Variants in CEP350 observed in about 807,000 individuals in gnomAD.
CEP350 encodes centrosome-associated protein 350.
In CEP350, 126 loss-of-function variants were observed where a neutral mutation model predicts 331.8. The ratio of observed to expected loss-of-function variants is 0.38; its 90% confidence interval spans 0.33 to 0.44. CEP350 has a LOEUF of 0.44. CEP350 is among the 20% of genes least tolerant of loss of function. The pLI is 1.00. For missense variants in CEP350, 3,406 were observed against 3,634.6 expected (o/e 0.94, Z 1.62); for synonymous variants, 1,200 against 1,259.5 (o/e 0.95, Z 1.00).
chr1:179,992,233 G>GA lies in CEP350; in HGVS notation c.395+22dup, dbSNP rs148001345. 7.2e-3 allele frequency: 8,951 copies of GA among 1,249,848 alleles called. 1 individual carries two copies. Among genetic ancestry groups the GA allele is most frequent in the South Asian group, 0.013 (690 of 53,510 alleles). The allele number at this position is 1,249,848 out of a possible 1,614,324, so 77.4% of individuals were successfully genotyped here. A position where few individuals can be genotyped will look rare whatever the true frequency, so the allele number is the denominator to read the frequency against. ...TTGGTTTCTTATAGGTTAGTATTGAGAAAAAAAAAAGGTATCAAATAGGTT... is the reference window on the plus strand; with the variant it reads ...TTGGTTTCTTATAGGTTAGTATTGAGAAAAAAAAAAAGGTATCAAATAGGTT... On this transcript the variant is annotated intron_variant, in intron 5 of 37. Coordinates refer to ENST00000367607, the MANE Select transcript of CEP350 (RefSeq NM_014810.5).
At chr1:180,004,692 T>C (rs1350655471) in intron 7 of CEP350, among the ~76,000 whole-genome samples, 1 of 152,228 alleles carries the variant, frequency 6.6e-6, no homozygotes, top group Non-Finnish European at 1.5e-5. Flanking sequence ...TAATACTAAT[T>C]TGTTATGATC....
chr1:180,089,970 A>T (rs142979365), intron 32 of CEP350, among the ~76,000 whole-genome samples: 1 of 152,342 alleles, frequency 6.6e-6, no homozygotes, highest in East Asian at 1.9e-4. Context: ...ATTACAGTTT[A>T]GCAAATGAAG....
At chr1:179,984,949 C>T (rs1321352407) in intron 1 of CEP350, among the ~76,000 whole-genome samples, 3 of 152,088 alleles carry the variant, frequency 2.0e-5, no homozygotes, top group Non-Finnish European at 4.4e-5. Context: ...CATGATCTTT[C>T]CCTTTGAGTT....
intron 1 of CEP350, among the ~76,000 whole-genome samples, chr1:179,955,393 C>T (rs1043197198): frequency 1.1e-4 from 17 of 152,214 alleles, no homozygotes; most frequent in Non-Finnish European, 2.9e-5. Flanking sequence ...CTCCCGCCTC[C>T]TCCACCCCTC....
At chr1:179,971,122 G>A (rs1396255644) in intron 1 of CEP350, among the ~76,000 whole-genome samples, 1 of 150,292 alleles carries the variant, frequency 6.7e-6, no homozygotes, top group African/African-American at 2.5e-5. Context: ...TCTGCCTCCC[G>A]GGTTTAAGCA....
At chr1:180,103,367 T>C (rs1660937283) in intron 37 of CEP350, among the ~76,000 whole-genome samples, 1 of 152,200 alleles carries the variant, frequency 6.6e-6, no homozygotes, top group Non-Finnish European at 1.5e-5. Context: ...CAGCTTGATT[T>C]TACAGGCTGC....
At chr1:180,025,027 C>T (rs961920997) in intron 14 of CEP350, among the ~76,000 whole-genome samples, 4 of 151,740 alleles carry the variant, frequency 2.6e-5, no homozygotes, top group African/African-American at 9.7e-5. Flanking sequence ...CAGGTTCATG[C>T]CATTCTCCTG....
intron 36 of CEP350, 62 bp downstream of exon 36, chr1:180,096,246 A>G: frequency 2.0e-6 from 3 of 1,484,080 alleles, no homozygotes; most frequent in Non-Finnish European, 2.7e-6. Context: ...ACATATCTGT[A>G]AATGTTGTAA....
chr1:180,029,968 A>G (rs1311992715), intron 14 of CEP350, among the ~76,000 whole-genome samples: 2 of 152,050 alleles, frequency 1.3e-5, no homozygotes, highest in African/African-American at 4.8e-5. Context: ...TTCAAGGTTC[A>G]TCTGTATTGT....
At chr1:180,008,169 C>T (rs1294959682) in intron 8 of CEP350, among the ~76,000 whole-genome samples, 2 of 152,032 alleles carry the variant, frequency 1.3e-5, no homozygotes, top group African/African-American at 4.8e-5. Flanking sequence ...AGAACTATGG[C>T]GTTCCAACCA....
At chr1:180,018,767 T>C (rs12144352) in intron 11 of CEP350, among the ~76,000 whole-genome samples, 13,373 of 152,280 alleles carry the variant, frequency 0.088, 722 homozygotes, top group Non-Finnish European at 0.12. Context: ...TTCTGTCATC[T>C]GCAAGTTTGA....
In CEP350 at chr1:180,113,282, G is replaced by A. The variant is rs766059761; in HGVS notation, c.*2121G>A. Reference sequence around the variant, plus strand: ...TAAATGAATTTCAAAATGTTATAATGGGACTGTAGGTTGTTTTTCTACATC... The same window carrying A: ...TAAATGAATTTCAAAATGTTATAATAGGACTGTAGGTTGTTTTTCTACATC... On this transcript the variant is annotated 3_prime_UTR_variant, in exon 38 of 38. Coordinates refer to ENST00000367607, the MANE Select transcript of CEP350 (RefSeq NM_014810.5). The A allele has an allele frequency of 6.6e-6, 1 of 151,982 alleles. No homozygotes were observed. Among genetic ancestry groups the A allele is most frequent in the African/African-American group, 2.4e-5 (1 of 41,386 alleles). The allele number at this position is 151,982 out of a possible 1,614,324, so 9.4% of individuals were successfully genotyped here. A position where few individuals can be genotyped will look rare whatever the true frequency, so the allele number is the denominator to read the frequency against.
intron 14 of CEP350, among the ~76,000 whole-genome samples, chr1:180,030,602 T>TTC (rs1222513961): frequency 6.6e-6 from 1 of 151,914 alleles, no homozygotes; most frequent in Admixed American, 6.6e-5. Context: ...AGATCTCTAG[T>TTC]TACCTCATCA....
intron 14 of CEP350, among the ~76,000 whole-genome samples, chr1:180,026,478 A>G (rs939232764): frequency 7.2e-5 from 11 of 152,082 alleles, no homozygotes; most frequent in African/African-American, 2.7e-4. Flanking sequence ...CATGACATAG[A>G]ATTTATCATT....
intron 11 of CEP350, among the ~76,000 whole-genome samples, chr1:180,017,766 T>TA: frequency 1.3e-5 from 2 of 152,356 alleles, no homozygotes; most frequent in South Asian, 4.1e-4. Flanking sequence ...TTCTTTTCCT[T>TA]ACTCTTTATA....
At chr1:180,041,531 C>A in intron 18 of CEP350, 131 bp from the exon 19 acceptor site, 1 of 925,892 alleles carries the variant, frequency 1.1e-6, no homozygotes, top group South Asian at 2.0e-5. Context: ...AGACTTAAAC[C>A]ATGAAATCCA....
intron 26 of CEP350, among the ~76,000 whole-genome samples, chr1:180,064,695 G>A (rs1363697280): frequency 6.6e-6 from 1 of 151,988 alleles, no homozygotes; most frequent in Non-Finnish European, 1.5e-5. Flanking sequence ...TAAAATAAAT[G>A]TTACATCTTC....
rs375650426 is a variant in CEP350 at position 179,973,126 on chromosome 1, C to T, written c.-13-13043C>T. 9.2e-5 allele frequency among the ~76,000 whole-genome samples: 14 copies of T among 152,284 alleles called. No individual in the cohort carries two copies. In the East Asian group the frequency reaches 2.7e-3, roughly 29 times the overall value. On this transcript the variant is annotated intron_variant, in intron 1 of 37. Transcript: ENST00000367607. ...TCGTGATCCATCTGCCTCAGCCTCC[C>T]AAAGTGCTGGGATTACAGGCGTGAG...
chr1:179,979,890 A>T (rs192411765), intron 1 of CEP350, among the ~76,000 whole-genome samples: 1 of 152,150 alleles, frequency 6.6e-6, no homozygotes, highest in East Asian at 1.9e-4. Flanking sequence ...CCATTGGTCT[A>T]TATGTCTGAT....
Sources: gnomAD v4.1 joint callset for allele counts (sites outside exome capture counted in the v4.1 genomes callset) on GRCh38, gnomAD v4.1.1 for gene constraint, MANE v1.5 for transcripts, NCBI Gene and HGNC (gene_info 2026-07-23, HGNC 2026-07-21) for gene names.